RIT2: variants seen among roughly 807,000 people sequenced by gnomAD.
The protein encoded by RIT2 is Ras like without CAAX 2.
A neutral mutation model predicts 23.7 loss-of-function variants in RIT2; 24 were observed. The observed-to-expected ratio is 1.01, with a 90% CI of 0.73 to 1.43. The LOEUF is 1.43. Among genes scored for constraint, RIT2 ranks in the 40% most tolerant of loss-of-function variants. RIT2 has a pLI of 0.00. For synonymous variants in RIT2, 107 were observed against 91.1 expected, an observed-to-expected ratio of 1.17 and a Z score of -0.99; for missense variants, 236 against 266.9, an observed-to-expected ratio of 0.88 and a Z score of 0.81.
rs967219297 is a variant in RIT2, at chr18:43,039,189, T to G, written c.104-5322A>C. 4.6e-5 allele frequency among the ~76,000 whole-genome samples: 7 copies of G among 152,314 alleles called. No individual in the cohort carries two copies. The South Asian group carries it at 6.2e-4, about 14-fold the overall frequency. On this transcript the variant is annotated intron_variant, in intron 1 of 4. Transcript: ENST00000326695. ...TTCAGTATTTTGGCAATTAGCGTTA[T>G]ATGGCTTTCTTTCAAAAGATGATTT...
rs760595125 is a variant in RIT2, at chr18:42,856,825, C to CTTTTTTT, written c.426+66746_426+66747insAAAAAAA. 2.7e-3 allele frequency among the ~76,000 whole-genome samples: 349 copies of CTTTTTTT among 127,846 alleles called. 12 individuals are homozygous for CTTTTTTT. Among genetic ancestry groups the CTTTTTTT allele is most frequent in the African/African-American group, 0.011 (328 of 30,688 alleles). 83.9% of individuals were successfully genotyped at this position (127,846 alleles called of 152,430 possible). ...AGAAGTCTTTTTCTTTTCTCTCTCT[C>CTTTTTTT]TCTTTTTTTTTTTTTTTTTTTTGAG... On this transcript the variant is annotated intron_variant, in intron 4 of 4. Transcript: ENST00000326695.
rs544012150 is a variant in RIT2 at position 42,843,644 on chromosome 18, G to A, written c.426+79928C>T. On this transcript the variant is annotated intron_variant, in intron 4 of 4. Transcript: ENST00000326695. ...CATTTTATTAGCCTCAGTGACATTG[G>A]AATAAAGCAAGAAAGCTCAGGGGGG... 3.9e-4 allele frequency among the ~76,000 whole-genome samples: 59 copies of A among 152,288 alleles called. 1 individual carries two copies. Among genetic ancestry groups the A allele is most frequent in the Admixed American group, 3.4e-3 (52 of 15,292 alleles).
intron 4 of RIT2, among the ~76,000 whole-genome samples, chr18:42,816,469 A>G (rs1362413569): frequency 6.6e-6 from 1 of 152,220 alleles, no homozygotes; most frequent in Non-Finnish European, 1.5e-5. Flanking sequence ...ACTGGGAAAT[A>G]GAAGATTTTG....
intron 3 of RIT2, among the ~76,000 whole-genome samples, chr18:42,964,255 G>C (rs531161830): frequency 1.7e-4 from 26 of 151,012 alleles, no homozygotes; most frequent in Non-Finnish European, 2.8e-4. Flanking sequence ...CAATCTTCAG[G>C]CCTCAAAATC....
intron 4 of RIT2, among the ~76,000 whole-genome samples, chr18:42,882,199 C>T (rs2144080828): frequency 6.6e-6 from 1 of 152,318 alleles, no homozygotes; most frequent in South Asian, 2.1e-4. Context: ...AATCATTCAG[C>T]TACTGAAGCA....
At chr18:43,031,761 CCTCAGT>C (rs1209751239) in intron 2 of RIT2, among the ~76,000 whole-genome samples, 1 of 151,974 alleles carries the variant, frequency 6.6e-6, no homozygotes, top group Non-Finnish European at 1.5e-5. Flanking sequence ...TATTTAAAAG[CCTCAGT>C]CAGTAGGGTA....
intron 2 of RIT2, among the ~76,000 whole-genome samples, chr18:42,994,722 C>T (rs1370826584): frequency 1.3e-5 from 2 of 152,136 alleles, no homozygotes; most frequent in Non-Finnish European, 2.9e-5. Context: ...TTAGGCTGGC[C>T]ATCATGTCTC....
At chr18:42,895,086 G>T (rs487908) in intron 4 of RIT2, among the ~76,000 whole-genome samples, 121,250 of 152,148 alleles carry the variant, frequency 0.8, 48,836 homozygotes, top group African/African-American at 0.84. Flanking sequence ...TTTATGATAA[G>T]AAATTAATTA....
chr18:43,063,295 G>A lies in RIT2; in HGVS notation c.104-29428C>T, dbSNP rs144899783. ...TCAGGAATTTTTCTCACAGCCAACCGTCAAAAGCACAGGGTTCTATGCCCG... is the reference window on the plus strand; with the variant it reads ...TCAGGAATTTTTCTCACAGCCAACCATCAAAAGCACAGGGTTCTATGCCCG... On this transcript the variant is annotated intron_variant, in intron 1 of 4. Coordinates refer to ENST00000326695, the MANE Select transcript of RIT2 (RefSeq NM_002930.4). Among the ~76,000 whole-genome samples the A allele has an allele frequency of 3.3e-3, 496 of 152,208 alleles. 1 individual carries two copies. Among genetic ancestry groups the A allele is most frequent in the Non-Finnish European group, 5.2e-3 (351 of 67,998 alleles).
At chr18:42,828,281 A>G (rs1463583288) in intron 4 of RIT2, among the ~76,000 whole-genome samples, 1 of 152,214 alleles carries the variant, frequency 6.6e-6, no homozygotes, top group Non-Finnish European at 1.5e-5. Context: ...TTATTATCAA[A>G]CACTTACATT....
At chr18:42,989,592 T>G (rs1286141263) in intron 2 of RIT2, among the ~76,000 whole-genome samples, 1 of 152,182 alleles carries the variant, frequency 6.6e-6, no homozygotes, top group East Asian at 1.9e-4. Context: ...AAGCCATGGT[T>G]CATATTACAC....
At chr18:42,961,988 C>G (rs773177937) in intron 3 of RIT2, among the ~76,000 whole-genome samples, 4 of 152,236 alleles carry the variant, frequency 2.6e-5, no homozygotes, top group African/African-American at 7.2e-5. Context: ...CCTGTCTCAC[C>G]TATGTTTTGC....
intron 2 of RIT2, among the ~76,000 whole-genome samples, chr18:43,023,688 C>A (rs1031258986): frequency 6.6e-6 from 1 of 152,044 alleles, no homozygotes; most frequent in African/African-American, 2.4e-5. Flanking sequence ...AAACCACACA[C>A]TGATCATTTT....
intron 3 of RIT2, among the ~76,000 whole-genome samples, chr18:42,967,438 C>T (rs1440026156): frequency 2.0e-5 from 3 of 151,568 alleles, no homozygotes; most frequent in Non-Finnish European, 2.9e-5. Context: ...GGCGTGATCT[C>T]GGCTCACTGA....
intron 3 of RIT2, among the ~76,000 whole-genome samples, chr18:42,945,791 G>A (rs542204518): frequency 2.0e-5 from 3 of 152,082 alleles, no homozygotes; most frequent in Middle Eastern, 3.4e-3. Flanking sequence ...TGCAAGCAAC[G>A]CATATCAAAT....
intron 2 of RIT2, among the ~76,000 whole-genome samples, chr18:43,017,808 G>T (rs1240234896): frequency 1.3e-5 from 2 of 151,990 alleles, no homozygotes; most frequent in Admixed American, 6.6e-5. Context: ...GCATCACACA[G>T]ATGACAGTCA....
At chr18:43,048,535 G>A (rs1267018096) in intron 1 of RIT2, among the ~76,000 whole-genome samples, 1 of 152,104 alleles carries the variant, frequency 6.6e-6, no homozygotes, top group African/African-American at 2.4e-5. Flanking sequence ...ATAATGTAGG[G>A]TTAATAATAA....
intron 2 of RIT2, among the ~76,000 whole-genome samples, chr18:42,986,994 G>T (rs984431812): frequency 6.6e-6 from 1 of 152,116 alleles, no homozygotes; most frequent in Non-Finnish European, 1.5e-5. Context: ...GGTGCTATGA[G>T]AACTTTTATA....
intron 4 of RIT2, among the ~76,000 whole-genome samples, chr18:42,805,344 A>G (rs1450434919): frequency 6.6e-6 from 1 of 152,202 alleles, no homozygotes; most frequent in Admixed American, 6.5e-5. Context: ...TTTGAAATGT[A>G]ATATGTTGCA....
Sources: allele counts gnomAD v4.1 joint callset (sites outside exome capture counted in the v4.1 genomes callset), GRCh38; gene constraint gnomAD v4.1.1; transcripts MANE v1.5; gene names NCBI Gene and HGNC (gene_info 2026-07-23, HGNC 2026-07-21).